Variants in GPR158 observed in about 807,000 individuals in gnomAD.
The protein encoded by GPR158 is G protein-coupled receptor 158.
A neutral mutation model predicts 78.2 loss-of-function variants in GPR158; 30 were observed. The observed-to-expected ratio is 0.38, with a 90% confidence interval of 0.29 to 0.52. GPR158 has a LOEUF of 0.52. GPR158 is among the 20% of genes least tolerant of loss of function. GPR158 has a pLI of 0.83. For missense variants in GPR158, 1,463 were observed against 1,523.5 expected (o/e 0.96, Z 0.66); for synonymous variants, 581 against 591.1 (o/e 0.98, Z 0.25).
intron 2 of GPR158, among the ~76,000 whole-genome samples, chr10:25,393,342 A>G (rs1481261450): frequency 6.6e-6 from 1 of 152,222 alleles, no homozygotes; most frequent in African/African-American, 2.4e-5. Context: ...TCAGCAAGGT[A>G]AAATATTTCA....
intron 5 of GPR158, among the ~76,000 whole-genome samples, chr10:25,540,945 AATATAT>A (rs57800341): frequency 0.016 from 1,331 of 82,868 alleles, 10 homozygotes; most frequent in Non-Finnish European, 0.021. Flanking sequence ...GTATAATAAA[AATATAT>A]ATATATATAT....
intron 5 of GPR158, chr10:25,475,495 AC>A (rs920668615): frequency 1.3e-5 from 2 of 152,114 alleles, no homozygotes; most frequent in African/African-American, 4.8e-5. Context: ...AGCATAAAAT[AC>A]CAGGGGAAAA....
At chr10:25,197,898 A>G (rs190169069) in intron 1 of GPR158, among the ~76,000 whole-genome samples, 4 of 152,310 alleles carry the variant, frequency 2.6e-5, no homozygotes, top group African/African-American at 7.2e-5. Context: ...GTCTCATCCT[A>G]TTCAGAAATG....
intron 4 of GPR158, among the ~76,000 whole-genome samples, chr10:25,456,892 T>A (rs963512440): frequency 3.9e-5 from 6 of 152,156 alleles, no homozygotes; most frequent in Non-Finnish European, 8.8e-5. Context: ...TATCTAATAA[T>A]CTTTAGAGTT....
At chr10:25,566,686 T>C (rs1836933575) in intron 6 of GPR158, among the ~76,000 whole-genome samples, 1 of 152,242 alleles carries the variant, frequency 6.6e-6, no homozygotes, top group African/African-American at 2.4e-5. Flanking sequence ...TAACTTAATA[T>C]ACTCACAATA....
chr10:25,414,469 C>T (rs564837851), intron 4 of GPR158, among the ~76,000 whole-genome samples: 94 of 152,094 alleles, frequency 6.2e-4, no homozygotes, highest in African/African-American at 2.1e-3. Flanking sequence ...TCAGTTTTTA[C>T]AGAATGTGAC....
chr10:25,478,309 T>G (rs1039917244), intron 5 of GPR158, among the ~76,000 whole-genome samples: 2 of 152,166 alleles, frequency 1.3e-5, no homozygotes, highest in Non-Finnish European at 2.9e-5. Context: ...TGAAAATACC[T>G]TATTGCTTTA....
At chr10:25,588,167 T>G (rs1837295090) in intron 7 of GPR158, among the ~76,000 whole-genome samples, 1 of 152,270 alleles carries the variant, frequency 6.6e-6, no homozygotes, top group South Asian at 2.1e-4. Context: ...GTGCTTTCTA[T>G]GCATTATTTT....
chr10:25,453,807 G>T (rs1418992792), intron 4 of GPR158, among the ~76,000 whole-genome samples: 1 of 152,186 alleles, frequency 6.6e-6, no homozygotes, highest in Non-Finnish European at 1.5e-5. Context: ...TTTTATGCCA[G>T]TGCCATGCTG....
intron 2 of GPR158, among the ~76,000 whole-genome samples, chr10:25,307,377 CTT>C (rs561085223): frequency 1.7e-3 from 196 of 114,360 alleles, no homozygotes; most frequent in East Asian, 0.014. Context: ...ATTTTAATTG[CTT>C]TTTTTTTTTT....
chr10:25,442,455 C>T (rs1835080735), intron 4 of GPR158, among the ~76,000 whole-genome samples: 1 of 152,028 alleles, frequency 6.6e-6, no homozygotes, highest in African/African-American at 2.4e-5. Context: ...GAACCCAGAA[C>T]CCTCTCTTCT....
chr10:25,438,118 A>C (rs1032352787), intron 4 of GPR158, among the ~76,000 whole-genome samples: 1 of 152,188 alleles, frequency 6.6e-6, no homozygotes, highest in Non-Finnish European at 1.5e-5. Flanking sequence ...GCTTGGGGTT[A>C]AGACAAAACT....
intron 4 of GPR158, among the ~76,000 whole-genome samples, chr10:25,463,659 G>T (rs1468611207): frequency 6.6e-6 from 1 of 151,482 alleles, no homozygotes; most frequent in African/African-American, 2.4e-5. Flanking sequence ...TTTTTTCTTG[G>T]TCTCTGTTAT....
At chr10:25,533,245 A>G (rs1448145236) in intron 5 of GPR158, among the ~76,000 whole-genome samples, 2 of 152,132 alleles carry the variant, frequency 1.3e-5, no homozygotes, top group African/African-American at 4.8e-5. Flanking sequence ...TCCCAATTCC[A>G]CACGTGGCTT....
intron 6 of GPR158, among the ~76,000 whole-genome samples, chr10:25,555,051 G>A (rs1836769563): frequency 6.6e-6 from 1 of 151,510 alleles, no homozygotes; most frequent in African/African-American, 2.4e-5. Context: ...GAAGGAAAAG[G>A]AAAGAAGGGG....
At chr10:25,393,246 A>T (rs940615211) in intron 2 of GPR158, among the ~76,000 whole-genome samples, 2 of 152,186 alleles carry the variant, frequency 1.3e-5, no homozygotes, top group African/African-American at 4.8e-5. Flanking sequence ...AAAATTCTCA[A>T]CTGAGTCACT....
intron 5 of GPR158, among the ~76,000 whole-genome samples, chr10:25,508,426 A>G (rs1836042035): frequency 6.6e-6 from 1 of 152,294 alleles, no homozygotes; most frequent in Non-Finnish European, 1.5e-5. Context: ...GCAAACCTAT[A>G]TGTCACATAT....
At chr10:25,521,207 C>G (rs1422130071) in intron 5 of GPR158, among the ~76,000 whole-genome samples, 1 of 152,228 alleles carries the variant, frequency 6.6e-6, no homozygotes, top group African/African-American at 2.4e-5. Context: ...GAGGCAATGC[C>G]TCGCCCTGCT....
Position 25,433,694 on chromosome 10 carries a change from C to CTTT in GPR158, c.1335+21236_1335+21238dup, listed in dbSNP as rs3082190. ...TTTTCCTTTCTTTCTTTCTTTCTTT[C>CTTT]TTTTTTTTTTTTTTTTTGGTACAGG... On this transcript the variant is annotated intron_variant, in intron 4 of 10. Coordinates refer to ENST00000376351, the MANE Select transcript of GPR158 (RefSeq NM_020752.3). Among the ~76,000 whole-genome samples the CTTT allele has an allele frequency of 1.6e-3, 175 of 109,832 alleles. 1 individual carries two copies. Among genetic ancestry groups the CTTT allele is most frequent in the African/African-American group, 5.2e-3 (151 of 28,852 alleles). The allele number at this position is 109,832 out of a possible 152,430, so 72.1% of individuals were successfully genotyped here.
Sources: gnomAD v4.1 joint callset for allele counts (sites outside exome capture counted in the v4.1 genomes callset) on GRCh38, gnomAD v4.1.1 for gene constraint, MANE v1.5 for transcripts, NCBI Gene and HGNC (gene_info 2026-07-23, HGNC 2026-07-21) for gene names.